The following CCBE1 variants were observed in gnomAD, a reference collection of about 807,000 sequenced individuals.
CCBE1 encodes collagen and calcium binding EGF domains 1.
A neutral mutation model predicts 50.0 loss-of-function variants in CCBE1; 37 were observed. The ratio of observed to expected loss-of-function variants is 0.74; its 90% CI spans 0.57 to 0.97. The LOEUF (loss-of-function observed/expected upper bound fraction) is 0.97, where lower values mean the gene tolerates loss of function less well. Among genes scored for constraint, CCBE1 ranks in the 50% least tolerant of loss-of-function variants. CCBE1 has a pLI of 0.00. For missense variants in CCBE1, 538 were observed against 523.8 expected, an observed-to-expected ratio of 1.03 and a Z score of -0.26; for synonymous variants, 234 against 203.7, an observed-to-expected ratio of 1.15 and a Z score of -1.27.
intron 2 of CCBE1, among the ~76,000 whole-genome samples, chr18:59,513,050 A>G (rs1307057020): frequency 1.3e-5 from 2 of 152,208 alleles, no homozygotes; most frequent in Non-Finnish European, 2.9e-5. Context: ...GCAGTGGCTC[A>G]TGCCTGTAAT....
At chr18:59,637,765 A>G (rs986326747) in intron 2 of CCBE1, among the ~76,000 whole-genome samples, 1 of 152,194 alleles carries the variant, frequency 6.6e-6, no homozygotes, top group African/African-American at 2.4e-5. Context: ...CTAGCAAAAT[A>G]CAACTTAATG....
chr18:59,512,174 G>A (rs560959435), intron 2 of CCBE1, among the ~76,000 whole-genome samples: 1 of 152,214 alleles, frequency 6.6e-6, no homozygotes, highest in Non-Finnish European at 1.5e-5. Flanking sequence ...TACCAAAGAA[G>A]CGAAGTGCTG....
intron 2 of CCBE1, among the ~76,000 whole-genome samples, chr18:59,507,170 A>C (rs1913914337): frequency 6.6e-6 from 1 of 152,202 alleles, no homozygotes; most frequent in African/African-American, 2.4e-5. Context: ...TCTTCTTTCC[A>C]AAACCAACAT....
At chr18:59,533,953 CAT>C (rs111880233) in intron 2 of CCBE1, among the ~76,000 whole-genome samples, 5 of 152,334 alleles carry the variant, frequency 3.3e-5, no homozygotes, top group African/African-American at 1.2e-4. Flanking sequence ...TTTCTACTAT[CAT>C]ATGTCCTGTG....
intron 2 of CCBE1, among the ~76,000 whole-genome samples, chr18:59,511,791 C>T (rs889004012): frequency 6.6e-6 from 1 of 152,182 alleles, no homozygotes; most frequent in African/African-American, 2.4e-5. Context: ...GAGCACAACT[C>T]TACCCACTCT....
intron 2 of CCBE1, among the ~76,000 whole-genome samples, chr18:59,695,644 G>A (rs896560230): frequency 1.1e-4 from 16 of 152,284 alleles, no homozygotes; most frequent in African/African-American, 3.8e-4. Flanking sequence ...GAAACGCTAT[G>A]ATTGATTCAC....
intron 2 of CCBE1, among the ~76,000 whole-genome samples, chr18:59,492,661 C>A (rs766685699): frequency 6.6e-6 from 1 of 152,170 alleles, no homozygotes; most frequent in Non-Finnish European, 1.5e-5. Flanking sequence ...TGACACCACT[C>A]GGTTGTGCAT....
At chr18:59,572,389 G>T (rs571733275) in intron 2 of CCBE1, among the ~76,000 whole-genome samples, 19 of 152,134 alleles carry the variant, frequency 1.2e-4, no homozygotes, top group African/African-American at 4.3e-4. Context: ...ATTACAGATC[G>T]ATTTTTTGAG....
At chr18:59,613,863 GTTTTTTT>G (rs34847608) in intron 2 of CCBE1, among the ~76,000 whole-genome samples, 54 of 98,450 alleles carry the variant, frequency 5.5e-4, no homozygotes, top group Admixed American at 8.5e-4. Flanking sequence ...TCTCTGATGG[GTTTTTTT>G]TTTTTTTTTT....
At chr18:59,499,832 C>T (rs1568172995) in intron 2 of CCBE1, among the ~76,000 whole-genome samples, 1 of 152,070 alleles carries the variant, frequency 6.6e-6, no homozygotes, top group Non-Finnish European at 1.5e-5. Context: ...CTCTCCAGGG[C>T]CTAAAGCCTG....
chr18:59,437,028 G>A (rs1428020687), intron 10 of CCBE1, among the ~76,000 whole-genome samples: 5 of 152,138 alleles, frequency 3.3e-5, no homozygotes, highest in Admixed American at 2.0e-4. Context: ...TTTATAAGAT[G>A]GCTGACTATA....
At chr18:59,686,946 GT>G (rs1432255506) in intron 2 of CCBE1, among the ~76,000 whole-genome samples, 1 of 151,922 alleles carries the variant, frequency 6.6e-6, no homozygotes, top group Non-Finnish European at 1.5e-5. Context: ...GTGCATTTTT[GT>G]TTGGGGGCAA....
At chr18:59,510,709 A>C (rs1284969299) in intron 2 of CCBE1, among the ~76,000 whole-genome samples, 2 of 152,236 alleles carry the variant, frequency 1.3e-5, no homozygotes, top group African/African-American at 4.8e-5. Flanking sequence ...GGCAGGAGCC[A>C]CCACACCCGG....
rs543558670 is a variant in CCBE1 at position 59,525,683 on chromosome 18, T to C, written c.213-45445A>G. Among the ~76,000 whole-genome samples, 20 of 152,370 alleles carry C rather than the reference T, an allele frequency of 1.3e-4. No individual in the cohort carries two copies. The South Asian group carries it at 3.9e-3, about 30-fold the overall frequency. On this transcript the variant is annotated intron_variant, in intron 2 of 10. Coordinates refer to ENST00000439986, the MANE Select transcript of CCBE1 (RefSeq NM_133459.4). ...TATTTTCCTGTGCCTATGTCCTGAA[T>C]GGTATTGCTTTGATTTTCTTCTAGG...
intron 2 of CCBE1, among the ~76,000 whole-genome samples, chr18:59,656,313 C>A (rs1226545639): frequency 6.6e-6 from 1 of 152,282 alleles, no homozygotes; most frequent in South Asian, 2.1e-4. Context: ...TTGTACTATA[C>A]ATAAATAGAG....
chr18:59,465,772 G>A lies in CCBE1; in HGVS notation c.553+967C>T, dbSNP rs935015945. ...CAGATTGTTTACCTTACAAGGAGAT[G>A]TTTCATATTTATATTTCAGCCCATT... is the stretch of plus-strand genomic sequence containing the variant. On this transcript the variant is annotated intron_variant, in intron 5 of 10. Coordinates refer to ENST00000439986, the MANE Select transcript of CCBE1 (RefSeq NM_133459.4). 5.3e-5 allele frequency: 8 copies of A among 152,278 alleles called. No individual in the cohort carries two copies. The East Asian group carries it at 1.5e-3, about 29-fold the overall frequency. 9.4% of individuals were successfully genotyped at this position (152,278 alleles called of 1,614,324 possible).
At chr18:59,496,843 A>G (rs1427826946) in intron 2 of CCBE1, among the ~76,000 whole-genome samples, 2 of 152,202 alleles carry the variant, frequency 1.3e-5, no homozygotes, top group Non-Finnish European at 2.9e-5. Context: ...TGACTGAATC[A>G]GAATTATTAA....
intron 2 of CCBE1, among the ~76,000 whole-genome samples, chr18:59,490,202 C>T (rs529284396): frequency 6.6e-6 from 1 of 152,172 alleles, no homozygotes; most frequent in African/African-American, 2.4e-5. Flanking sequence ...GCAGGCTCGT[C>T]TCGAACTGCT....
intron 2 of CCBE1, among the ~76,000 whole-genome samples, chr18:59,670,593 G>T (rs2054418116): frequency 6.6e-6 from 1 of 152,136 alleles, no homozygotes; most frequent in Non-Finnish European, 1.5e-5. Context: ...AAGTGGACCG[G>T]TCTATCTCTT....
Sources: gnomAD v4.1 joint callset for allele counts (sites outside exome capture counted in the v4.1 genomes callset) on GRCh38, gnomAD v4.1.1 for gene constraint, MANE v1.5 for transcripts, NCBI Gene and HGNC (gene_info 2026-07-23, HGNC 2026-07-21) for gene names.